MORN4: variants seen among roughly 807,000 people sequenced by gnomAD.
MORN4 encodes the protein MORN repeat containing 4.
MORN4 carries 8 observed loss-of-function variants against 16.4 expected under a neutral mutation model. The observed-to-expected ratio is 0.49, with a 90% CI of 0.29 to 0.88. MORN4 has a LOEUF of 0.88. MORN4 is among the 40% of genes least tolerant of loss of function. The pLI is 0.09. For missense variants in MORN4, 159 were observed against 182.9 expected (o/e 0.87, Z 0.75); for synonymous variants, 53 against 68.9 (o/e 0.77, Z 1.14).
intron 1 of MORN4, among the ~76,000 whole-genome samples, chr10:97,626,066 C>CTTTTTTTT (rs74855674): frequency 7.1e-6 from 1 of 140,798 alleles, no homozygotes; most frequent in African/African-American, 2.6e-5. Context: ...AGCCTCATGC[C>CTTTTTTTT]TTTTTTTTTT....
chr10:97,615,734 AT>A lies in MORN4; in HGVS notation c.*528del, dbSNP rs2041231215. ...TAAAACTCCATCTCAAAAATAAAAA[AT>A]AAAATAATAATAATAATAATAAAAA... On this transcript the variant is annotated 3_prime_UTR_variant, in exon 5 of 5. Coordinates refer to ENST00000307450, the MANE Select transcript of MORN4 (RefSeq NM_178832.4). 1.4e-5 allele frequency: 2 copies of A among 142,350 alleles called. No homozygotes were observed. Among genetic ancestry groups the A allele is most frequent in the African/African-American group, 6.1e-5 (2 of 32,906 alleles). 8.8% of individuals were successfully genotyped at this position (142,350 alleles called of 1,614,324 possible). A position where few individuals can be genotyped will look rare whatever the true frequency, so the allele number is the denominator to read the frequency against.
chr10:97,626,438 T>C (rs1443641139), intron 1 of MORN4, among the ~76,000 whole-genome samples: 1 of 149,744 alleles, frequency 6.7e-6, no homozygotes, highest in Admixed American at 6.7e-5. Flanking sequence ...CATAATATGT[T>C]CTGATGCTTG....
chr10:97,626,673 C>T (rs542918664), intron 1 of MORN4, among the ~76,000 whole-genome samples: 110 of 151,486 alleles, frequency 7.3e-4, no homozygotes, highest in African/African-American at 2.5e-3. Flanking sequence ...TCAGGCTGGT[C>T]TCGAACTCCT....
intron 1 of MORN4, among the ~76,000 whole-genome samples, chr10:97,631,576 C>G (rs1188892233): frequency 1.3e-5 from 2 of 150,460 alleles, no homozygotes; most frequent in Non-Finnish European, 2.9e-5. Flanking sequence ...TATTAAACAA[C>G]ATTTTTGTAT....
At chr10:97,616,606 A>G (rs1554875794) in intron 4 of MORN4, 72 bp downstream of exon 4, 1 of 1,364,114 alleles carries the variant, frequency 7.3e-7, no homozygotes, top group Non-Finnish European at 1.0e-6. Context: ...CCGCAGGATT[A>G]AAACTAAACA....
At chr10:97,624,874 T>G (rs2041333935) in intron 1 of MORN4, among the ~76,000 whole-genome samples, 1 of 152,152 alleles carries the variant, frequency 6.6e-6, no homozygotes. Context: ...GTATTTTCAG[T>G]AGAGATGGGG....
At chr10:97,632,211 C>CTTT in intron 1 of MORN4, among the ~76,000 whole-genome samples, 2 of 139,334 alleles carry the variant, frequency 1.4e-5, no homozygotes, top group South Asian at 4.5e-4. Context: ...ATAATACTCC[C>CTTT]CTTTTTTTTT....
chr10:97,618,553 C>T (rs138033830), intron 2 of MORN4, among the ~76,000 whole-genome samples: 3 of 152,176 alleles, frequency 2.0e-5, no homozygotes, highest in South Asian at 2.1e-4. Context: ...CCCTTTAATG[C>T]GGACTGTTAG....
intron 1 of MORN4, among the ~76,000 whole-genome samples, chr10:97,622,992 C>T (rs980018473): frequency 6.6e-6 from 1 of 151,846 alleles, no homozygotes; most frequent in East Asian, 1.9e-4. Flanking sequence ...TCAAGGCATC[C>T]CGTCACCTCA....
In MORN4 at chr10:97,631,618, TA is replaced by T. The variant is rs547574429; in HGVS notation, c.-31+1728del. 3.8e-3 allele frequency among the ~76,000 whole-genome samples: 536 copies of T among 142,298 alleles called. 1 individual carries two copies. The highest frequency in any genetic ancestry group is 4.1e-3 in the Non-Finnish European group (268 of 64,816). The allele number at this position is 142,298 out of a possible 152,430, so 93.4% of individuals were successfully genotyped here. A position where few individuals can be genotyped will look rare whatever the true frequency, so the allele number is the denominator to read the frequency against. On this transcript the variant is annotated intron_variant, in intron 1 of 4. Coordinates refer to ENST00000307450, the MANE Select transcript of MORN4 (RefSeq NM_178832.4). ...TAAACTGTGTCCAATTTAAGAGGAT[TA>T]AAAAAAAAAAAACTGACATAAAGAG...
chr10:97,630,938 C>A (rs1032499771), intron 1 of MORN4, among the ~76,000 whole-genome samples: 1 of 152,086 alleles, frequency 6.6e-6, no homozygotes, highest in Middle Eastern at 3.2e-3. Flanking sequence ...GCAACCTCTG[C>A]CTCCTGGGCC....
chr10:97,633,342 C>T lies in MORN4; in HGVS notation c.-31+5G>A, dbSNP rs1344280736. The T allele has an allele frequency of 3.9e-6, 5 of 1,289,556 alleles. No individual in the cohort carries two copies. The highest frequency in any genetic ancestry group is 1.5e-5 in the African/African-American group (1 of 65,994). 79.9% of individuals were successfully genotyped at this position (1,289,556 alleles called of 1,614,324 possible). On this transcript the variant is annotated splice_donor_5th_base_variant and intron_variant, in intron 1 of 4. Transcript: ENST00000307450. The surrounding 1 kb of genome is among the most constrained non-coding windows in gnomAD (Gnocchi z 4.5). ...GGCCCCCTCCCTCCTGCGCCTCCAG[C>T]CAACCTGGGGCCGGCCTTTCGGGAT... is the stretch of plus-strand genomic sequence containing the variant.
chr10:97,632,547 A>G (rs1324672772), intron 1 of MORN4, among the ~76,000 whole-genome samples: 1 of 151,868 alleles, frequency 6.6e-6, no homozygotes, highest in East Asian at 1.9e-4. Flanking sequence ...TTTTAAAAGG[A>G]GCTCGAAATA....
chr10:97,625,309 G>T (rs2041337277), intron 1 of MORN4, among the ~76,000 whole-genome samples: 1 of 150,896 alleles, frequency 6.6e-6, no homozygotes. Flanking sequence ...TGAGTTCACT[G>T]TATAATTATG....
intron 1 of MORN4, among the ~76,000 whole-genome samples, chr10:97,623,218 G>A (rs1213554718): frequency 6.6e-6 from 1 of 152,104 alleles, no homozygotes. Context: ...CAAAGCTTGT[G>A]GCCTACTGCT....
rs1309078247 is a variant in MORN4 at position 97,619,570 on chromosome 10, C to T, written c.67+17G>A. On this transcript the variant is annotated intron_variant, in intron 2 of 4. Coordinates refer to ENST00000307450, the MANE Select transcript of MORN4 (RefSeq NM_178832.4). Reference sequence around the variant, plus strand: ...ATGAAGTGTTCATCATGGATACTCCCCAGGGGTCCTTCTCACCCTCCTTCC... The same window carrying T: ...ATGAAGTGTTCATCATGGATACTCCTCAGGGGTCCTTCTCACCCTCCTTCC... The T allele has an allele frequency of 6.3e-7, 1 of 1,582,802 alleles. No individual in the cohort carries two copies. The highest frequency in any genetic ancestry group is 8.7e-7 in the Non-Finnish European group (1 of 1,151,388).
intron 2 of MORN4, 147 bp downstream of exon 2, chr10:97,619,440 A>G (rs2041268430): frequency 1.5e-6 from 1 of 687,034 alleles, no homozygotes; most frequent in Admixed American, 2.2e-5. Flanking sequence ...TTAATCCTAA[A>G]ATGGAATAAA....
At chr10:97,616,606 A>T in intron 4 of MORN4, 72 bp downstream of exon 4, 1 of 1,364,232 alleles carries the variant, frequency 7.3e-7, no homozygotes, top group Non-Finnish European at 1.0e-6. Context: ...CCGCAGGATT[A>T]AAACTAAACA....
rs143820703 is a variant in MORN4, at chr10:97,617,516, T to C, written c.68-194A>G. Among the ~76,000 whole-genome samples, 508 of 152,308 alleles carry C rather than the reference T, an allele frequency of 3.3e-3. 16 individuals are homozygous for C. Among genetic ancestry groups the C allele is most frequent in the Admixed American group, 0.031 (471 of 15,290 alleles). On this transcript the variant is annotated intron_variant, in intron 2 of 4. Coordinates refer to ENST00000307450, the MANE Select transcript of MORN4 (RefSeq NM_178832.4). ...CCTGGCTCCTGGGGCCTTCCCATCT[T>C]ATCACTACAGATTAAAGCAGGTCTA...
Sources: allele counts gnomAD v4.1 joint callset (sites outside exome capture counted in the v4.1 genomes callset), GRCh38; gene constraint gnomAD v4.1.1; non-coding constraint Gnocchi (gnomAD v3.1); transcripts MANE v1.5; gene names NCBI Gene and HGNC (gene_info 2026-07-23, HGNC 2026-07-21).